Variants in NEK1 observed in about 807,000 individuals in gnomAD.
NEK1 encodes the protein NIMA related kinase 1.
Under a neutral mutation model 182.1 loss-of-function variants are expected in NEK1, and 137 were observed. The ratio of observed to expected loss-of-function variants is 0.75; its 90% confidence interval spans 0.65 to 0.87. NEK1 has a LOEUF of 0.87. Ranked by LOEUF, NEK1 falls within the 40% of genes least tolerant of loss-of-function variation. The pLI, the probability that NEK1 is intolerant of heterozygous loss-of-function variation, is 0.00. For synonymous variants in NEK1, 513 were observed against 492.2 expected (o/e 1.04, Z -0.56); for missense variants, 1,391 against 1,494.4 (o/e 0.93, Z 1.14).
chr4:169,418,279 T>G (rs947560181), intron 31 of NEK1, among the ~76,000 whole-genome samples: 9 of 152,054 alleles, frequency 5.9e-5, no homozygotes, highest in African/African-American at 2.2e-4. Flanking sequence ...GTAAAATAGA[T>G]CCACAAGTAA....
At chr4:169,408,287 C>T (rs1732987278) in intron 31 of NEK1, among the ~76,000 whole-genome samples, 1 of 152,112 alleles carries the variant, frequency 6.6e-6, no homozygotes, top group African/African-American at 2.4e-5. Context: ...GACAACTTAC[C>T]TCCTGGAACA....
At chr4:169,523,398 A>G (rs1459990487) in intron 19 of NEK1, among the ~76,000 whole-genome samples, 1 of 152,232 alleles carries the variant, frequency 6.6e-6, no homozygotes, top group Non-Finnish European at 1.5e-5. Context: ...ATAAAAAGGG[A>G]AAATTTGAAG....
intron 18 of NEK1, among the ~76,000 whole-genome samples, chr4:169,553,610 C>T (rs1351457046): frequency 2.0e-5 from 3 of 152,064 alleles, no homozygotes; most frequent in Non-Finnish European, 2.9e-5. Context: ...CAAAGACATA[C>T]CTGATAAAGG....
intron 9 of NEK1, among the ~76,000 whole-genome samples, chr4:169,586,020 A>G (rs2150073038): frequency 6.6e-6 from 1 of 152,268 alleles, no homozygotes; most frequent in East Asian, 1.9e-4. Flanking sequence ...CCTTTTAGAC[A>G]ATGCTCACTA....
intron 26 of NEK1, among the ~76,000 whole-genome samples, chr4:169,475,529 A>G (rs1480159685): frequency 6.6e-6 from 1 of 152,216 alleles, no homozygotes; most frequent in African/African-American, 2.4e-5. Context: ...AAAAATACCT[A>G]GCACCCAACA....
chr4:169,554,191 G>A (rs534071106), intron 18 of NEK1: 2 of 152,440 alleles, frequency 1.3e-5, no homozygotes, highest in East Asian at 3.9e-4. Flanking sequence ...GCCAGTGCAG[G>A]AGGACTGCTT....
intron 5 of NEK1, among the ~76,000 whole-genome samples, chr4:169,598,330 C>T (rs1335020501): frequency 2.0e-5 from 3 of 151,588 alleles, no homozygotes; most frequent in East Asian, 3.9e-4. Flanking sequence ...TATGTAAAAG[C>T]GGGCAATTAA....
At position 169,588,450 on chromosome 4, in the gene NEK1, C is replaced by A. The variant is rs59269193; in HGVS notation, c.551+199G>T. The stretch of plus-strand genomic sequence containing the variant: ...TTATAACATAAATAATAAGGTGATT[C>A]TTTCTGCTGTTCTTCCAGTAAGATA... On this transcript the variant is annotated intron_variant, in intron 8 of 35. Coordinates refer to ENST00000507142, the MANE Select transcript of NEK1 (RefSeq NM_001199397.3). Among the ~76,000 whole-genome samples the A allele has an allele frequency of 0.071, 10,858 of 152,104 alleles. 1,271 individuals are homozygous for A. Among genetic ancestry groups the A allele is most frequent in the African/African-American group, 0.25 (10,190 of 41,434 alleles).
chr4:169,576,844 A>G, intron 12 of NEK1, 84 bp downstream of exon 12: 1 of 1,262,068 alleles, frequency 7.9e-7, no homozygotes, highest in South Asian at 1.3e-5. Context: ...TAATCCTATA[A>G]TATCAAGGTA....
intron 18 of NEK1, among the ~76,000 whole-genome samples, chr4:169,549,085 G>C (rs554412427): frequency 6.6e-6 from 1 of 152,216 alleles, no homozygotes; most frequent in Non-Finnish European, 1.5e-5. Flanking sequence ...TGGAAACCCA[G>C]GGCCCTGGTG....
chr4:169,479,307 G>C, intron 24 of NEK1, 96 bp downstream of exon 24: 1 of 1,279,630 alleles, frequency 7.8e-7, no homozygotes, highest in Non-Finnish European at 1.1e-6. Context: ...AGAAAAACCT[G>C]AAAGGGACAT....
rs1244594665 is a variant in NEK1 at position 169,555,866 on chromosome 4, GCA to G, written c.1431-17_1431-16del. 1 of 1,613,708 alleles carries G rather than the reference GCA, an allele frequency of 6.2e-7. No individual in the cohort carries two copies. Among genetic ancestry groups the G allele is most frequent in the Admixed American group, 1.7e-5 (1 of 59,988 alleles). ...GCAGAATTCCTCTGTAGATAAATAT[GCA>G]CAGTGACTTTCATTACTATCTCAGA... On this transcript the variant is annotated splice_polypyrimidine_tract_variant and intron_variant, in intron 17 of 35. Transcript: ENST00000507142.
At chr4:169,483,790 C>T (rs758036845) in intron 23 of NEK1, among the ~76,000 whole-genome samples, 4 of 147,322 alleles carry the variant, frequency 2.7e-5, no homozygotes, top group African/African-American at 5.0e-5. Flanking sequence ...CACTTGAACC[C>T]GTGAGGCAGA....
chr4:169,443,556 C>G (rs963974315), intron 27 of NEK1, among the ~76,000 whole-genome samples: 2 of 151,464 alleles, frequency 1.3e-5, no homozygotes, highest in South Asian at 2.1e-4. Context: ...CCCAAATATT[C>G]AAATTTTGGG....
chr4:169,491,162 A>AAAAAAAAG (rs1554047307), intron 23 of NEK1, among the ~76,000 whole-genome samples: 1 of 122,834 alleles, frequency 8.1e-6, no homozygotes, highest in African/African-American at 3.2e-5. Flanking sequence ...AAAAAAAAAA[A>AAAAAAAAG]AGAGAGATGG....
chr4:169,570,011 G>A (rs1027259690), intron 12 of NEK1, among the ~76,000 whole-genome samples: 29 of 149,684 alleles, frequency 1.9e-4, no homozygotes, highest in Admixed American at 1.1e-3. Context: ...AGTGAGGAGC[G>A]GCTCTGCCCG....
intron 31 of NEK1, among the ~76,000 whole-genome samples, chr4:169,419,047 T>C (rs184326873): frequency 2.6e-4 from 40 of 152,236 alleles, no homozygotes; most frequent in Admixed American, 2.6e-3. Context: ...GTGGTGATGC[T>C]GATATAAACA....
intron 16 of NEK1, among the ~76,000 whole-genome samples, chr4:169,557,444 C>T (rs1018920917): frequency 4.6e-5 from 7 of 152,162 alleles, no homozygotes; most frequent in African/African-American, 1.7e-4. Context: ...TCAATAACCT[C>T]AAATGCAAAG....
chr4:169,485,601 G>C (rs1748894942), intron 23 of NEK1, among the ~76,000 whole-genome samples: 1 of 151,844 alleles, frequency 6.6e-6, no homozygotes, highest in African/African-American at 2.4e-5. Flanking sequence ...AATTAACTAA[G>C]CCAGGAAAAC....
Sources: gnomAD v4.1 joint callset for allele counts (sites outside exome capture counted in the v4.1 genomes callset) on GRCh38, gnomAD v4.1.1 for gene constraint, MANE v1.5 for transcripts, NCBI Gene and HGNC (gene_info 2026-07-23, HGNC 2026-07-21) for gene names.